RNF38: variants seen among roughly 807,000 people sequenced by gnomAD.
RNF38 encodes the protein ring finger protein 38.
In RNF38, 15 loss-of-function variants were observed where a neutral mutation model predicts 67.2. The observed-to-expected ratio is 0.22, with a 90% confidence interval of 0.15 to 0.34. The LOEUF (loss-of-function observed/expected upper bound fraction) is 0.34, where lower values mean the gene tolerates loss of function less well. Ranked by LOEUF, RNF38 falls within the 10% of genes least tolerant of loss-of-function variation. The probability of loss-of-function intolerance (pLI) is 1.00; values close to 1 mark genes in which losing one functional copy is unlikely to be tolerated. For synonymous variants in RNF38, 220 were observed against 218.8 expected, an observed-to-expected ratio of 1.01 and a Z score of -0.05; for missense variants, 524 against 639.9, an observed-to-expected ratio of 0.82 and a Z score of 1.95.
intron 1 of RNF38, among the ~76,000 whole-genome samples, chr9:36,436,421 GAC>G (rs1164797562): frequency 6.6e-6 from 1 of 152,166 alleles, no homozygotes; most frequent in Non-Finnish European, 1.5e-5. Context: ...AAATAGTAAT[GAC>G]AGACTCATAT....
Position 36,338,880 on chromosome 9 carries a change from G to A in RNF38, c.*872C>T, listed in dbSNP as rs1383847917. On this transcript the variant is annotated 3_prime_UTR_variant, in exon 12 of 12. Coordinates refer to ENST00000259605, the MANE Select transcript of RNF38 (RefSeq NM_022781.5). Reference sequence around the variant, plus strand: ...TTGCTAACTGATGATATATGATATTGCACCTTCTTTTTGGAAACAGCAAGT... The same window carrying A: ...TTGCTAACTGATGATATATGATATTACACCTTCTTTTTGGAAACAGCAAGT... 1 of 152,502 alleles carries A rather than the reference G, an allele frequency of 6.6e-6. No homozygotes were observed. The highest frequency in any genetic ancestry group is 1.9e-4 in the East Asian group (1 of 5,194). 9.4% of individuals were successfully genotyped at this position (152,502 alleles called of 1,614,324 possible). A position where few individuals can be genotyped will look rare whatever the true frequency, so the allele number is the denominator to read the frequency against.
intron 1 of RNF38, among the ~76,000 whole-genome samples, chr9:36,484,875 T>G (rs1316265436): frequency 6.6e-6 from 1 of 152,232 alleles, no homozygotes; most frequent in South Asian, 2.1e-4. Context: ...TATCTAAAAA[T>G]GTATGTATTG....
At chr9:36,487,410 G>C (rs1230049046) in exon 1 of RNF38, 1 of 981,774 alleles carries the variant, frequency 1.0e-6, no homozygotes, top group Non-Finnish European at 1.2e-6. Context: ...GGCTCCGGCC[G>C]GGGCGGCGGC....
At chr9:36,393,474 AC>A in intron 1 of RNF38, among the ~76,000 whole-genome samples, 1 of 68,458 alleles carries the variant, frequency 1.5e-5, no homozygotes, top group Non-Finnish European at 3.3e-5. Flanking sequence ...TCACACACAC[AC>A]ATTGTGTGTG....
At chr9:36,396,809 G>C (rs1007480464) in intron 1 of RNF38, among the ~76,000 whole-genome samples, 13 of 151,206 alleles carry the variant, frequency 8.6e-5, no homozygotes, top group African/African-American at 3.2e-4. Flanking sequence ...CGAGAGCCTG[G>C]TTCTGGAAAA....
chr9:36,366,456 T>G (rs925821149), intron 4 of RNF38, among the ~76,000 whole-genome samples: 1 of 152,232 alleles, frequency 6.6e-6, no homozygotes, highest in Admixed American at 6.5e-5. Flanking sequence ...GTTCATGTTC[T>G]GTTTGATTCT....
intron 1 of RNF38, among the ~76,000 whole-genome samples, chr9:36,462,130 G>GT (rs1839746839): frequency 6.6e-6 from 1 of 152,216 alleles, no homozygotes; most frequent in African/African-American, 2.4e-5. Context: ...AAGAGATGCA[G>GT]TAAGATGTGG....
intron 3 of RNF38, among the ~76,000 whole-genome samples, chr9:36,372,128 ACCATATTGGCCAGGCTGGTCTTGAACT>A (rs1325806910): frequency 6.6e-6 from 1 of 152,024 alleles, no homozygotes; most frequent in African/African-American, 2.4e-5. Flanking sequence ...ACAGGGTTTC[ACCATATTGGCCAGGCTGGTCTTGAACT>A]CCCGACCTTG....
In RNF38 at chr9:36,446,706, G is replaced by A. The variant is rs142063107; in HGVS notation, n.242-22023C>T. Among the ~76,000 whole-genome samples the A allele has an allele frequency of 2.9e-3, 437 of 149,518 alleles. 2 individuals are homozygous for A. The highest frequency in any genetic ancestry group is 9.3e-3 in the African/African-American group (378 of 40,702). On this transcript the variant is annotated intron_variant and non_coding_transcript_variant, in intron 1 of 3. Coordinates refer to the RNF38 transcript ENST00000488058. The stretch of plus-strand genomic sequence containing the variant: ...GCCTGTAATCCCAGCTACACGGGAC[G>A]CTGAGGCAGAAGAATCACTTGAACC...
intron 1 of RNF38, among the ~76,000 whole-genome samples, chr9:36,474,255 G>A (rs887250508): frequency 2.0e-5 from 3 of 150,532 alleles, no homozygotes; most frequent in African/African-American, 2.5e-5. Context: ...GGAGCTTGCA[G>A]TGAGCCAAGA....
At chr9:36,355,174 T>C (rs1834006199) in intron 6 of RNF38, among the ~76,000 whole-genome samples, 1 of 152,200 alleles carries the variant, frequency 6.6e-6, no homozygotes, top group Non-Finnish European at 1.5e-5. Flanking sequence ...GCAGCCTCTT[T>C]GGTACCCAGC....
chr9:36,401,414 A>G (rs772566865), upstream of RNF38, among the ~76,000 whole-genome samples: 2 of 152,100 alleles, frequency 1.3e-5, no homozygotes, highest in Non-Finnish European at 2.9e-5. Flanking sequence ...AAACTCCGCA[A>G]TCAAACAGTA....
Position 36,423,745 on chromosome 9 carries a change from C to T in RNF38, n.312+868G>A, listed in dbSNP as rs1473605357. ...CGGGCGGATCACGAGGTCAGGAAAT[C>T]GAGACCATCCTGGCTAACACGGTGA... On this transcript the variant is annotated intron_variant and non_coding_transcript_variant, in intron 2 of 3. Transcript: ENST00000488058. Among the ~76,000 whole-genome samples the T allele has an allele frequency of 2.1e-5, 2 of 94,040 alleles. 1 individual carries two copies. The highest frequency in any genetic ancestry group is 5.1e-5 in the Non-Finnish European group (2 of 39,000). The allele number at this position is 94,040 out of a possible 152,430, so 61.7% of individuals were successfully genotyped here.
At chr9:36,461,273 GA>G (rs1839727526) in intron 1 of RNF38, among the ~76,000 whole-genome samples, 1 of 152,148 alleles carries the variant, frequency 6.6e-6, no homozygotes, top group South Asian at 2.1e-4. Flanking sequence ...TTAAAGCCAT[GA>G]ATGAGTAGTG....
intron 10 of RNF38, 104 bp downstream of exon 10, chr9:36,344,728 A>AT: frequency 1.7e-6 from 2 of 1,164,422 alleles, no homozygotes; most frequent in African/African-American, 1.6e-5. Context: ...TTTTCTTTCA[A>AT]TTTTTTATTT....
chr9:36,377,296 TA>T, intron 2 of RNF38, among the ~76,000 whole-genome samples: 1 of 152,318 alleles, frequency 6.6e-6, no homozygotes, highest in East Asian at 1.9e-4. Context: ...GGTTGCAAAA[TA>T]ATTAGTACCT....
At chr9:36,356,201 G>A in intron 6 of RNF38, 102 bp downstream of exon 6, 1 of 1,139,576 alleles carries the variant, frequency 8.8e-7, no homozygotes, top group Non-Finnish European at 1.3e-6. Flanking sequence ...CATTCGTCTG[G>A]TTCTTAAATC....
intron 3 of RNF38, among the ~76,000 whole-genome samples, chr9:36,375,712 G>T (rs2277171): frequency 9.9e-5 from 15 of 152,050 alleles, no homozygotes; most frequent in African/African-American, 3.4e-4. Flanking sequence ...GGCATCGACT[G>T]ATTTTAGCCT....
chr9:36,451,505 T>TG (rs1564068051), intron 1 of RNF38, among the ~76,000 whole-genome samples: 17 of 141,550 alleles, frequency 1.2e-4, no homozygotes, highest in African/African-American at 2.8e-4. Flanking sequence ...TTTTTTTTTT[T>TG]TTTTTTTTTT....
Sources: gnomAD v4.1 joint callset for allele counts (sites outside exome capture counted in the v4.1 genomes callset) on GRCh38, gnomAD v4.1.1 for gene constraint, MANE v1.5 for transcripts, NCBI Gene and HGNC (gene_info 2026-07-23, HGNC 2026-07-21) for gene names.